The following GUCY2F variants were observed in gnomAD, a reference collection of about 807,000 sequenced individuals.
GUCY2F encodes retinal guanylyl cyclase 2.
A neutral mutation model predicts 73.1 loss-of-function variants in GUCY2F; 61 were observed. The ratio of observed to expected loss-of-function variants is 0.83; its 90% CI spans 0.68 to 1.03. GUCY2F has a LOEUF of 1.03. Ranked by LOEUF, GUCY2F falls within the 50% of genes least tolerant of loss-of-function variation. The probability of loss-of-function intolerance (pLI) is 0.00; values close to 1 mark genes in which losing one functional copy is unlikely to be tolerated. For synonymous variants in GUCY2F, 331 were observed against 307.8 expected (o/e 1.08, Z -0.79); for missense variants, 912 against 854.3 (o/e 1.07, Z -0.84).
In GUCY2F at chrX:109,439,685, C is replaced by T. The variant is rs1010433378; in HGVS notation, c.1701+1666G>A. Among the ~76,000 whole-genome samples the T allele has an allele frequency of 3.6e-5, 4 of 111,974 alleles. No homozygotes were observed. In the East Asian group the frequency reaches 1.1e-3, roughly 31 times the overall value. On this transcript the variant is annotated intron_variant, in intron 7 of 19. Coordinates refer to ENST00000218006, the MANE Select transcript of GUCY2F (RefSeq NM_001522.3). ...CCTCATTCATTGCTCACGAATTCTACATTCCACAGGGTCCTAGAACATGGA... is the reference window on the plus strand; with the variant it reads ...CCTCATTCATTGCTCACGAATTCTATATTCCACAGGGTCCTAGAACATGGA...
In GUCY2F at chrX:109,446,672, C is replaced by G. The variant is rs371685221; in HGVS notation, c.1569+1397G>C. 5.4e-5 allele frequency among the ~76,000 whole-genome samples: 6 copies of G among 111,870 alleles called. No homozygotes were observed. In the East Asian group the frequency reaches 1.7e-3, roughly 31 times the overall value. On this transcript the variant is annotated intron_variant, in intron 6 of 19. Coordinates refer to ENST00000218006, the MANE Select transcript of GUCY2F (RefSeq NM_001522.3). ...TGTCAGACCTAAAACCATAAAAACC[C>G]TAGAAGAAAACCTAGGCAATACCAT...
chrX:109,454,858 T>G (rs2147278136), intron 3 of GUCY2F, among the ~76,000 whole-genome samples: 1 of 111,310 alleles, frequency 9.0e-6, no homozygotes, highest in African/African-American at 3.3e-5. Flanking sequence ...AAAGCTATGG[T>G]CATGCCATTT....
chrX:109,406,663 C>A (rs1324725611), intron 9 of GUCY2F, among the ~76,000 whole-genome samples: 2 of 111,327 alleles, frequency 1.8e-5, no homozygotes, highest in Non-Finnish European at 3.8e-5. Context: ...ATGGTATCTT[C>A]CAGAATCCCC....
chrX:109,402,635 T>A lies in GUCY2F; in HGVS notation c.2125+1693A>T, dbSNP rs1315626356. On this transcript the variant is annotated intron_variant, in intron 10 of 19. Transcript: ENST00000218006. ...ATCTGCCCACCTCAGCCTCCCAAGG[T>A]ATTGTGTTTTATAGAGAATTGATTT... is the stretch of plus-strand genomic sequence containing the variant. Among the ~76,000 whole-genome samples, 4 of 111,430 alleles carry A rather than the reference T, an allele frequency of 3.6e-5. No homozygotes were observed. The East Asian group carries it at 1.1e-3, about 31-fold the overall frequency.
At chrX:109,392,519 G>C (rs1248126872) in intron 13 of GUCY2F, among the ~76,000 whole-genome samples, 1 of 112,225 alleles carries the variant, frequency 8.9e-6, no homozygotes, top group Non-Finnish European at 1.9e-5. Flanking sequence ...CAACAGATAA[G>C]GTTTTCAGCT....
In GUCY2F at chrX:109,440,976, C is replaced by G. The variant is rs747037951; in HGVS notation, c.1701+375G>C. 3.6e-5 allele frequency among the ~76,000 whole-genome samples: 4 copies of G among 111,828 alleles called. No homozygotes were observed. In the South Asian group the frequency reaches 1.1e-3, roughly 32 times the overall value. ...ATTTGAAGAGAAGGGTACCCCAAAC[C>G]CTGCCATGCACACGCATGTCTCTAG... On this transcript the variant is annotated intron_variant, in intron 7 of 19. Coordinates refer to ENST00000218006, the MANE Select transcript of GUCY2F (RefSeq NM_001522.3).
intron 3 of GUCY2F, among the ~76,000 whole-genome samples, chrX:109,464,748 C>A (rs1361366664): frequency 1.8e-5 from 2 of 112,421 alleles, no homozygotes; most frequent in African/African-American, 6.5e-5. Context: ...CCAGTGTTAT[C>A]AAAAATAAAG....
At chrX:109,428,843 T>C (rs1187709817) in intron 8 of GUCY2F, among the ~76,000 whole-genome samples, 1 of 112,112 alleles carries the variant, frequency 8.9e-6, no homozygotes, top group Non-Finnish European at 1.9e-5. Flanking sequence ...ATGTACACAA[T>C]TGCTGAATCT....
At chrX:109,430,451 T>C in intron 7 of GUCY2F, 55 bp from the exon 8 acceptor site, 1 of 662,501 alleles carries the variant, frequency 1.5e-6, no homozygotes, top group Non-Finnish European at 2.5e-6. Context: ...CCAGCAGTTT[T>C]AGAAAAATGT....
intron 2 of GUCY2F, among the ~76,000 whole-genome samples, chrX:109,472,100 A>C (rs1364853752): frequency 9.0e-6 from 1 of 110,882 alleles, no homozygotes; most frequent in Non-Finnish European, 1.9e-5. Flanking sequence ...CTCTAACTCC[A>C]GTAAGTTGCC....
At position 109,392,927 on chromosome X, in the gene GUCY2F, C is replaced by T; in HGVS notation, c.2553G>A (p.Gln851=). 8.4e-7 allele frequency: 1 copy of T among 1,193,564 alleles called. No homozygotes were observed. Among genetic ancestry groups the T allele is most frequent in the Non-Finnish European group, 1.1e-6 (1 of 879,983 alleles). Residue 851 remains glutamine, a synonymous_variant, in exon 13 of 20, where the codon CAG becomes CAA. Transcript: ENST00000218006. ...TCTGTGTTAGAAGCTTTTCCGTTTT[C>T]TGTTTTTCAATTTCCAGCTCTTCAG... ...ERTEELEIEK[Q]KTEKLLTQML... is the part of the protein sequence containing the mutation.
At chrX:109,400,904 G>A (rs1481218562) in intron 10 of GUCY2F, among the ~76,000 whole-genome samples, 1 of 112,237 alleles carries the variant, frequency 8.9e-6, no homozygotes, top group East Asian at 2.8e-4. Context: ...GGAGTGCAAG[G>A]ATGAATATTT....
At chrX:109,437,836 A>G (rs1931786767) in intron 7 of GUCY2F, among the ~76,000 whole-genome samples, 1 of 112,807 alleles carries the variant, frequency 8.9e-6, no homozygotes, top group Non-Finnish European at 1.9e-5. Context: ...TACATTTCTA[A>G]AGCCATCAGC....
intron 8 of GUCY2F, among the ~76,000 whole-genome samples, chrX:109,421,184 A>G (rs1218460244): frequency 1.8e-5 from 2 of 111,321 alleles, no homozygotes; most frequent in Non-Finnish European, 3.8e-5. Flanking sequence ...TGCTATGGAA[A>G]ACAGTATGAA....
chrX:109,456,949 A>G (rs1212855863), intron 3 of GUCY2F, among the ~76,000 whole-genome samples: 1 of 111,862 alleles, frequency 8.9e-6, no homozygotes, highest in African/African-American at 3.2e-5. Context: ...AAGAAGAGGC[A>G]TTCTCTACAG....
At position 109,389,720 on chromosome X, in the gene GUCY2F, A is replaced by T. The variant is rs554035122; in HGVS notation, c.2782-1057T>A. ...TAAAACCTGCCTATTGGATGATACTATATAATTAGTTCAAGCTATCACCAT... is the reference window on the plus strand; with the variant it reads ...TAAAACCTGCCTATTGGATGATACTTTATAATTAGTTCAAGCTATCACCAT... On this transcript the variant is annotated intron_variant, in intron 14 of 19. Coordinates refer to ENST00000218006, the MANE Select transcript of GUCY2F (RefSeq NM_001522.3). Among the ~76,000 whole-genome samples the T allele has an allele frequency of 3.5e-4, 39 of 111,728 alleles. No homozygotes were observed. The South Asian group carries it at 0.014, about 40-fold the overall frequency.
intron 14 of GUCY2F, among the ~76,000 whole-genome samples, chrX:109,391,249 TAGAA>T (rs1367291775): frequency 3.6e-5 from 4 of 111,442 alleles, no homozygotes; most frequent in South Asian, 7.5e-4. Flanking sequence ...CAAACTCTAA[TAGAA>T]AGAGTGAAAA....
At chrX:109,401,622 A>G (rs1044875762) in intron 10 of GUCY2F, among the ~76,000 whole-genome samples, 7 of 111,830 alleles carry the variant, frequency 6.3e-5, no homozygotes, top group African/African-American at 2.3e-4. Flanking sequence ...CTGCCCCCAC[A>G]GAGCTTGTAG....
At chrX:109,383,886 GAATACTGTGCCA>G (rs1241616925) in intron 16 of GUCY2F, among the ~76,000 whole-genome samples, 1 of 112,421 alleles carries the variant, frequency 8.9e-6, no homozygotes, top group Non-Finnish European at 1.9e-5. Context: ...CATCAGTCCA[GAATACTGTGCCA>G]AATCTGCATT....
Sources: gnomAD v4.1 joint callset for allele counts (sites outside exome capture counted in the v4.1 genomes callset) on GRCh38, gnomAD v4.1.1 for gene constraint, MANE v1.5 for transcripts, NCBI Gene and HGNC (gene_info 2026-07-23, HGNC 2026-07-21) for gene names.